The following FAT2 variants were observed in gnomAD, a reference collection of about 807,000 sequenced individuals.
The protein encoded by FAT2 is FAT atypical cadherin 2, also known as protocadherin Fat 2.
Under a neutral mutation model 295.3 loss-of-function variants are expected in FAT2, and 150 were observed. The observed-to-expected ratio is 0.51, with a 90% CI of 0.44 to 0.58. The LOEUF is 0.58. FAT2 is among the 20% of genes least tolerant of loss of function. The probability of loss-of-function intolerance (pLI) is 0.00; values close to 1 mark genes in which losing one functional copy is unlikely to be tolerated. For missense variants in FAT2, 4,868 were observed against 5,442.7 expected (o/e 0.89, Z 3.32); for synonymous variants, 2,026 against 2,150.3 (o/e 0.94, Z 1.60).
chr5:151,590,965 C>T (rs1471385903), intron 1 of FAT2, among the ~76,000 whole-genome samples, 200 bp downstream of exon 1: 2 of 152,246 alleles, frequency 1.3e-5, no homozygotes, highest in South Asian at 2.1e-4. Context: ...CTGGCTACCT[C>T]ACTGGCTTCT....
At chr5:151,575,209 A>T (rs1758698289) in intron 1 of FAT2, among the ~76,000 whole-genome samples, 1 of 152,268 alleles carries the variant, frequency 6.6e-6, no homozygotes, top group Non-Finnish European at 1.5e-5. Context: ...GAGAGCTGGG[A>T]CATGAGGTCC....
In FAT2 at chr5:151,546,116, C is replaced by A; in HGVS notation, c.5011G>T (p.Glu1671Ter). 6.2e-7 allele frequency: 1 copy of A among 1,614,130 alleles called. No individual in the cohort carries two copies. Among genetic ancestry groups the A allele is most frequent in the Non-Finnish European group, 8.5e-7 (1 of 1,180,020 alleles). ...ATTGGGGAACCAACAGGGATTGATTCAGGGATCTCTACAAAGTACTCAGAT... is the reference window on the plus strand; with the variant it reads ...ATTGGGGAACCAACAGGGATTGATTAAGGGATCTCTACAAAGTACTCAGAT... ...SKSEYFVEIP[E>*]SIPVGSPILL... is the part of the protein sequence containing the mutation. Residue 1671 changes from glutamate (E) to a stop codon, truncating the protein, a stop_gained, in exon 10 of 24, where the codon GAA becomes TAA. Transcript: ENST00000261800. LOFTEE classifies it high-confidence loss of function.
chr5:151,568,010 G>A lies in FAT2; in HGVS notation c.922C>T (p.Arg308Trp), dbSNP rs370670557. ...KHFKAIKSYA[R>W]SNEFSLVSVK... ...GACACCAAACTGAACTCATTGCTCC[G>A]GGCATAAGACTTGATGGCTTTGAAG... The change falls in exon 2 of 24, where the codon CGG (arginine) becomes TGG (tryptophan). Residue 308 changes from arginine (R) to tryptophan (W), a missense_variant. By Grantham distance (101) the Arg-to-Trp change is moderately radical. Around this residue, in one of 5 missense-constraint regions of FAT2, gnomAD observed 3,297 missense variants for 3,669.4 expected, o/e 0.90. Coordinates refer to ENST00000261800, the MANE Select transcript of FAT2 (RefSeq NM_001447.3). 59 of 1,614,034 alleles carry A rather than the reference G, an allele frequency of 3.7e-5. No individual in the cohort carries two copies. Among genetic ancestry groups the A allele is most frequent in the Middle Eastern group, 1.6e-4 (1 of 6,084 alleles).
At chr5:151,513,497 G>GAAAT (rs1257750118) in intron 20 of FAT2, among the ~76,000 whole-genome samples, 4 of 152,152 alleles carry the variant, frequency 2.6e-5, no homozygotes, top group African/African-American at 9.7e-5. Context: ...ACAGGAACAG[G>GAAAT]AAATCAAATA....
intron 16 of FAT2, 78 bp downstream of exon 16, chr5:151,527,918 G>A (rs936737539): frequency 1.6e-5 from 25 of 1,546,632 alleles, no homozygotes; most frequent in Middle Eastern, 2.3e-4. Flanking sequence ...TCTTGACAGC[G>A]ATTCATCTTC....
intron 18 of FAT2, among the ~76,000 whole-genome samples, chr5:151,524,851 C>G (rs1282017597): frequency 6.6e-6 from 1 of 152,222 alleles, no homozygotes; most frequent in African/African-American, 2.4e-5. Flanking sequence ...GGCAGCTTGG[C>G]TCTCTGCTCA....
At chr5:151,532,835 C>T (rs576731585) in intron 13 of FAT2, among the ~76,000 whole-genome samples, 7 of 152,336 alleles carry the variant, frequency 4.6e-5, no homozygotes, top group South Asian at 4.1e-4. Context: ...AAGGGTCTCA[C>T]GTCTCCCACA....
Position 151,542,800 on chromosome 5 carries a change from T to G in FAT2, c.8327A>C (p.Asp2776Ala), listed in dbSNP as rs1756281738. ...DVMAHCLQNT[D>A]VVSLVSVNIQ... ...GTTGACAGAGACCAAGGACACCACA[T>G]CAGTGTTCTGAAGGCAATGTGCCAT... Residue 2776 changes from aspartate (D) to alanine (A), a missense_variant, in exon 10 of 24, where the codon GAT becomes GCT. This residue lies in a region of FAT2 where 3,297 missense variants were observed against 3,669.4 expected (regional missense o/e 0.90). Transcript: ENST00000261800. The G allele has an allele frequency of 1.2e-6, 2 of 1,614,186 alleles. No individual in the cohort carries two copies. The highest frequency in any genetic ancestry group is 1.7e-6 in the Non-Finnish European group (2 of 1,180,038).
At position 151,544,001 on chromosome 5, in the gene FAT2, G is replaced by A. The variant is rs1404412965; in HGVS notation, c.7126C>T (p.Pro2376Ser). Residue 2376 changes from proline (P) to serine (S), a missense_variant, in exon 10 of 24, where the codon CCC becomes TCC. Pro to Ser is a moderately conservative substitution (Grantham distance 74). Transcript: ENST00000261800. ...TATTGAGGTTGTCTGAACTCTGGGG[G>A]GTTGTCATTGATATCAGACACATTG... ...VVNVSDINDN[P>S]PEFRQPQYEA... The A allele has an allele frequency of 1.9e-6, 3 of 1,614,146 alleles. No homozygotes were observed. The highest frequency in any genetic ancestry group is 2.2e-5 in the South Asian group (2 of 91,082).
intron 23 of FAT2, among the ~76,000 whole-genome samples, chr5:151,506,393 G>A (rs891011121): frequency 4.6e-5 from 7 of 152,180 alleles, no homozygotes; most frequent in African/African-American, 1.4e-4. Context: ...CCCCACAGCT[G>A]GATACAGTAA....
In FAT2 at chr5:151,527,350, C is replaced by T; in HGVS notation, c.10192G>A (p.Ala3398Thr). 1 of 1,611,392 alleles carries T rather than the reference C, an allele frequency of 6.2e-7. No homozygotes were observed. The highest frequency in any genetic ancestry group is 8.5e-7 in the Non-Finnish European group (1 of 1,178,452). The change falls in exon 17 of 24, where the codon GCC becomes ACC. Residue 3398 changes from alanine (A) to threonine (T), a missense_variant. Physicochemically the swap from Ala to Thr is moderately conservative, Grantham distance 58. Coordinates refer to ENST00000261800, the MANE Select transcript of FAT2 (RefSeq NM_001447.3). ...QASSYSLKLR[A>T]TDSGQPPLHE... ...AGTGGAGGCTGCCCACTGTCTGTGG[C>T]TCGGAGCTTCAGGGAATAACTAGAG...
rs1758330113 is a variant in FAT2 at position 151,567,456 on chromosome 5, A to G, written c.1476T>C (p.Tyr492=). The change falls in exon 2 of 24, where the codon TAT becomes TAC. Residue 492 remains tyrosine, a synonymous_variant. Coordinates refer to ENST00000261800, the MANE Select transcript of FAT2 (RefSeq NM_001447.3). ...ATDRDHGENG[Y]VTYSIAGPKA... is the part of the protein sequence containing the mutation. ...TTGGTCCAGCAATGGAATAGGTGAC[A>G]TATCCATTTTCCCCATGATCCCGGT... 1 of 1,614,188 alleles carries G rather than the reference A, an allele frequency of 6.2e-7. No homozygotes were observed. The highest frequency in any genetic ancestry group is 1.1e-5 in the South Asian group (1 of 91,070).
chr5:151,537,444 G>GGA (rs1561842479), intron 12 of FAT2, among the ~76,000 whole-genome samples: 3 of 26,580 alleles, frequency 1.1e-4, no homozygotes, highest in South Asian at 6.6e-4. Flanking sequence ...AAAGGAGAGG[G>GGA]GAGGGGAGGG....
rs1193127291 is a variant in FAT2 at position 151,527,391 on chromosome 5, T to A, written c.10165-14A>T. The A allele has an allele frequency of 1.9e-6, 3 of 1,586,476 alleles. No individual in the cohort carries two copies. The highest frequency in any genetic ancestry group is 1.1e-5 in the South Asian group (1 of 88,034). ...ATAACTAGAGGCCTATTGCAAAATGTCCAGTGGAGGTTAGCAATGAGGTAG... is the reference window on the plus strand; with the variant it reads ...ATAACTAGAGGCCTATTGCAAAATGACCAGTGGAGGTTAGCAATGAGGTAG... On this transcript the variant is annotated splice_polypyrimidine_tract_variant and intron_variant, in intron 16 of 23. Coordinates refer to ENST00000261800, the MANE Select transcript of FAT2 (RefSeq NM_001447.3).
In FAT2 at chr5:151,543,953, C is replaced by T. The variant is rs2127608710; in HGVS notation, c.7174G>A (p.Ala2392Thr). The T allele has an allele frequency of 1.2e-6, 2 of 1,614,160 alleles. No homozygotes were observed. The highest frequency in any genetic ancestry group is 1.7e-6 in the Non-Finnish European group (2 of 1,180,038). Residue 2392 changes from alanine (A) to threonine (T), a missense_variant, in exon 10 of 24, where the codon GCA (alanine) becomes ACA (threonine). Ala to Thr is a moderately conservative substitution (Grantham distance 58, BLOSUM62 0). This residue lies in a region of FAT2 where 3,297 missense variants were observed against 3,669.4 expected (regional missense o/e 0.90). Transcript: ENST00000261800. Reference sequence around the variant, plus strand: ...TTAAGAACCAGGTGTCCACAGGTTGCCAGTTCACTGACATTGGCTTCATAT... The same window carrying T: ...TTAAGAACCAGGTGTCCACAGGTTGTCAGTTCACTGACATTGGCTTCATAT... The part of the protein sequence containing the change: ...PQYEANVSEL[A>T]TCGHLVLKVQ...
rs535847453 is a variant in FAT2 at position 151,535,763 on chromosome 5, G to C, written c.9194-1121C>G. 2.0e-5 allele frequency among the ~76,000 whole-genome samples: 3 copies of C among 152,274 alleles called. No individual in the cohort carries two copies. In the South Asian group the frequency reaches 6.2e-4, roughly 32 times the overall value. On this transcript the variant is annotated intron_variant, in intron 12 of 23. Coordinates refer to ENST00000261800, the MANE Select transcript of FAT2 (RefSeq NM_001447.3). The stretch of plus-strand genomic sequence containing the variant: ...AAGGGGGTAGAGTCTTGTGGACAGA[G>C]CCCTAAACCCATGGGATCTGACACT...
At position 151,521,974 on chromosome 5, in the gene FAT2, ACAGTGATGAAGATCTC is replaced by A. The variant is rs747841447; in HGVS notation, c.10603_10618del (p.Glu3535LeufsTer25). 6.2e-7 allele frequency: 1 copy of A among 1,614,138 alleles called. No homozygotes were observed. Among genetic ancestry groups the A allele is most frequent in the South Asian group, 1.1e-5 (1 of 91,084 alleles). Reference sequence around the variant, plus strand: ...GCCACCCTGGAACTCATCCTCTCCAACAGTGATGAAGATCTCCAGTGGGAGAGCAGAAGGTGCATAG... The same window carrying A: ...GCCACCCTGGAACTCATCCTCTCCAACAGTGGGAGAGCAGAAGGTGCATAG... On this transcript the variant is annotated frameshift_variant, in exon 19 of 24. Coordinates refer to ENST00000261800, the MANE Select transcript of FAT2 (RefSeq NM_001447.3). LOFTEE classifies it high-confidence loss of function.
At position 151,537,106 on chromosome 5, in the gene FAT2, C is replaced by T. The variant is rs143703182; in HGVS notation, c.9193+687G>A. On this transcript the variant is annotated intron_variant, in intron 12 of 23. Coordinates refer to ENST00000261800, the MANE Select transcript of FAT2 (RefSeq NM_001447.3). ...GATCCTCCGTAGCCAAAGTCAAGTTCTGCTGTCAAATATTCCCATAGCTAG... is the reference window on the plus strand; with the variant it reads ...GATCCTCCGTAGCCAAAGTCAAGTTTTGCTGTCAAATATTCCCATAGCTAG... 2.9e-3 allele frequency among the ~76,000 whole-genome samples: 446 copies of T among 152,036 alleles called. 2 individuals are homozygous for T. Among genetic ancestry groups the T allele is most frequent in the African/African-American group, 0.01 (428 of 41,442 alleles).
chr5:151,523,388 A>G (rs1753685155), intron 18 of FAT2, among the ~76,000 whole-genome samples: 1 of 152,206 alleles, frequency 6.6e-6, no homozygotes, highest in Non-Finnish European at 1.5e-5. Flanking sequence ...CTTATGAGAT[A>G]GGTACTATCA....
Sources: allele counts gnomAD v4.1 joint callset (sites outside exome capture counted in the v4.1 genomes callset), GRCh38; gene constraint gnomAD v4.1.1; regional missense constraint gnomAD v4.1.1; transcripts MANE v1.5; gene names NCBI Gene and HGNC (gene_info 2026-07-23, HGNC 2026-07-21).